Variants in PCBP3 observed in about 807,000 individuals in gnomAD.
PCBP3 encodes the protein poly(rC) binding protein 3, also known as poly(rC)-binding protein 3.
In PCBP3, 25 loss-of-function variants were observed where a neutral mutation model predicts 52.7. The ratio of observed to expected loss-of-function variants is 0.47; its 90% CI spans 0.35 to 0.66. The LOEUF is 0.66. Ranked by LOEUF, PCBP3 falls within the 30% of genes least tolerant of loss-of-function variation. The pLI is 0.01. For missense variants in PCBP3, 391 were observed against 490.3 expected, an observed-to-expected ratio of 0.80 and a Z score of 1.91; for synonymous variants, 162 against 183.0, an observed-to-expected ratio of 0.89 and a Z score of 0.93.
chr21:45,877,849 A>AC (rs971041269), intron 5 of PCBP3, among the ~76,000 whole-genome samples: 2 of 151,946 alleles, frequency 1.3e-5, no homozygotes, highest in Non-Finnish European at 2.9e-5. Context: ...GTGGGGGTAC[A>AC]CCCCCCTGCC....
chr21:45,937,976 G>A (rs956716737), intron 16 of PCBP3, among the ~76,000 whole-genome samples: 1 of 152,258 alleles, frequency 6.6e-6, no homozygotes, highest in African/African-American at 2.4e-5. Context: ...AAAGGCCTGT[G>A]GCAAAGGCAG....
chr21:45,678,527 C>T (rs1005861229), intron 2 of PCBP3, among the ~76,000 whole-genome samples: 1 of 151,876 alleles, frequency 6.6e-6, no homozygotes, highest in Non-Finnish European at 1.5e-5. Context: ...CTCATGGATG[C>T]CTTTAAGGGG....
chr21:45,799,735 C>A (rs183316054), intron 4 of PCBP3, among the ~76,000 whole-genome samples: 8 of 152,202 alleles, frequency 5.3e-5, no homozygotes, highest in Admixed American at 5.2e-4. Context: ...ACGGCAGGGC[C>A]ACCCAGAGCC....
At chr21:45,881,249 C>T (rs1364434289) in intron 5 of PCBP3, among the ~76,000 whole-genome samples, 1 of 152,220 alleles carries the variant, frequency 6.6e-6, no homozygotes, top group Non-Finnish European at 1.5e-5. Context: ...GCCAGCCTTG[C>T]ATCACAGGAA....
chr21:45,733,317 C>T (rs112213589), intron 2 of PCBP3, among the ~76,000 whole-genome samples: 7 of 152,126 alleles, frequency 4.6e-5, no homozygotes, highest in Admixed American at 1.3e-4. Context: ...GAGATGGATT[C>T]GCTCTGTCGC....
At chr21:45,649,771 A>G (rs2079557210) in intron 1 of PCBP3, among the ~76,000 whole-genome samples, 1 of 152,074 alleles carries the variant, frequency 6.6e-6, no homozygotes, top group African/African-American at 2.4e-5. Flanking sequence ...AATGCTGTGA[A>G]AGACTGAATT....
At chr21:45,767,106 G>C (rs1338741461) in intron 4 of PCBP3, among the ~76,000 whole-genome samples, 3 of 152,086 alleles carry the variant, frequency 2.0e-5, no homozygotes, top group Non-Finnish European at 4.4e-5. Flanking sequence ...GTATAAGTCA[G>C]TGGCATTGAG....
At chr21:45,778,596 A>G (rs2090419524) in intron 4 of PCBP3, among the ~76,000 whole-genome samples, 1 of 152,152 alleles carries the variant, frequency 6.6e-6, no homozygotes, top group Non-Finnish European at 1.5e-5. Context: ...CACAGGTGGT[A>G]CTTGCAGGTA....
At chr21:45,843,092 C>T (rs2093731342) in intron 4 of PCBP3, among the ~76,000 whole-genome samples, 2 of 152,088 alleles carry the variant, frequency 1.3e-5, no homozygotes, top group Non-Finnish European at 1.5e-5. Flanking sequence ...AGCGAACTCA[C>T]CGCTGTGTCA....
intron 5 of PCBP3, among the ~76,000 whole-genome samples, chr21:45,863,802 C>T (rs961225503): frequency 4.6e-5 from 7 of 152,160 alleles, no homozygotes; most frequent in African/African-American, 1.4e-4. Context: ...GCGGGCAGGA[C>T]GGTTGGCTGA....
intron 1 of PCBP3, among the ~76,000 whole-genome samples, chr21:45,665,902 G>A (rs2080764740): frequency 6.6e-6 from 1 of 152,030 alleles, no homozygotes; most frequent in East Asian, 1.9e-4. Context: ...ATCCAACAAC[G>A]TATCAAAAAG....
intron 4 of PCBP3, among the ~76,000 whole-genome samples, chr21:45,795,032 A>T (rs913947660): frequency 1.3e-5 from 2 of 152,224 alleles, no homozygotes; most frequent in African/African-American, 4.8e-5. Context: ...TTTCGTGAAA[A>T]AGATGAAAGG....
chr21:45,925,328 T>C (rs2075257034), intron 13 of PCBP3, among the ~76,000 whole-genome samples: 1 of 152,230 alleles, frequency 6.6e-6, no homozygotes, highest in Non-Finnish European at 1.5e-5. Context: ...AAGTCCGATA[T>C]GTAACCTCTG....
At chr21:45,773,975 T>C (rs1031652613) in intron 4 of PCBP3, among the ~76,000 whole-genome samples, 3 of 152,208 alleles carry the variant, frequency 2.0e-5, no homozygotes, top group Non-Finnish European at 4.4e-5. Context: ...TCCTAGGTAT[T>C]TTGTGTAGCT....
At chr21:45,784,200 G>A (rs1315022153) in intron 4 of PCBP3, among the ~76,000 whole-genome samples, 1 of 152,128 alleles carries the variant, frequency 6.6e-6, no homozygotes, top group South Asian at 2.1e-4. Context: ...AGCTCTGAAT[G>A]TGCTGATTCA....
intron 5 of PCBP3, among the ~76,000 whole-genome samples, chr21:45,882,810 T>C (rs1350359745): frequency 1.3e-5 from 2 of 152,174 alleles, no homozygotes; most frequent in Non-Finnish European, 2.9e-5. Flanking sequence ...TCCTGGTGTC[T>C]TTATTGTAGA....
chr21:45,871,939 A>G (rs543404082), intron 5 of PCBP3: 1 of 152,286 alleles, frequency 6.6e-6, no homozygotes, highest in Non-Finnish European at 1.5e-5. Context: ...ACTCTCCCGG[A>G]GCAGAGGCCT....
Position 45,805,896 on chromosome 21 carries a change from G to T in PCBP3, c.-125-44065G>T, listed in dbSNP as rs1237325440. 6.6e-6 allele frequency among the ~76,000 whole-genome samples: 1 copy of T among 152,160 alleles called. No homozygotes were observed. Among genetic ancestry groups the T allele is most frequent in the South Asian group, 2.1e-4 (1 of 4,826 alleles). On this transcript the variant is annotated intron_variant, in intron 4 of 17. Coordinates refer to ENST00000681687, the MANE Select transcript of PCBP3 (RefSeq NM_001384156.1). This position sits in a 1 kb window ranked among gnomAD's most constrained non-coding sequence, Gnocchi z 4.6. ...GGAAAGGAGGGCGAGAGCAGAGCTGGGGGGGCGGGCCATGAGGGGAAGTCC... is the reference window on the plus strand; with the variant it reads ...GGAAAGGAGGGCGAGAGCAGAGCTGTGGGGGCGGGCCATGAGGGGAAGTCC...
intron 3 of PCBP3, among the ~76,000 whole-genome samples, chr21:45,740,388 A>G (rs1278381618): frequency 1.3e-5 from 2 of 152,148 alleles, no homozygotes; most frequent in Non-Finnish European, 1.5e-5. Context: ...TATTCCCTTG[A>G]TCCTTGATTT....
Sources: gnomAD v4.1 joint callset for allele counts (sites outside exome capture counted in the v4.1 genomes callset) on GRCh38, gnomAD v4.1.1 for gene constraint, Gnocchi (gnomAD v3.1) non-coding constraint, MANE v1.5 for transcripts, NCBI Gene and HGNC (gene_info 2026-07-23, HGNC 2026-07-21) for gene names.